The following GRIA1 variants were observed in gnomAD, a reference collection of about 807,000 sequenced individuals.
GRIA1 encodes the protein glutamate receptor 1.
In GRIA1, 31 loss-of-function variants were observed where a neutral mutation model predicts 99.2. The observed-to-expected ratio is 0.31, with a 90% CI of 0.23 to 0.42. The LOEUF is 0.42. Ranked by LOEUF, GRIA1 falls within the 10% of genes least tolerant of loss-of-function variation. The pLI, the probability that GRIA1 is intolerant of heterozygous loss-of-function variation, is 1.00. For synonymous variants in GRIA1, 438 were observed against 432.4 expected (o/e 1.01, Z -0.16); for missense variants, 782 against 1,157.5 (o/e 0.68, Z 4.71).
At chr5:153,644,513 A>G (rs1293939220) in intron 2 of GRIA1, among the ~76,000 whole-genome samples, 2 of 152,188 alleles carry the variant, frequency 1.3e-5, no homozygotes, top group Non-Finnish European at 1.5e-5. Context: ...TTTATTAAGC[A>G]TCTACCATGT....
At chr5:153,509,824 G>A (rs564160071) in intron 2 of GRIA1, among the ~76,000 whole-genome samples, 8 of 152,296 alleles carry the variant, frequency 5.3e-5, no homozygotes, top group African/African-American at 1.7e-4. Flanking sequence ...CCCGATAAAT[G>A]AGAGCTATTA....
intron 2 of GRIA1, among the ~76,000 whole-genome samples, chr5:153,518,033 C>T (rs1393702038): frequency 2.0e-5 from 3 of 152,226 alleles, no homozygotes; most frequent in South Asian, 4.1e-4. Context: ...GGCCTTTGCA[C>T]TGGCTGTTCC....
chr5:153,575,341 T>C (rs1762442414), intron 2 of GRIA1, among the ~76,000 whole-genome samples: 3 of 152,192 alleles, frequency 2.0e-5, no homozygotes, highest in Non-Finnish European at 4.4e-5. Flanking sequence ...GGTCCTCAAC[T>C]GAAATCAAAT....
In GRIA1 at chr5:153,541,178, A is replaced by T. The variant is rs1430132527; in HGVS notation, c.220+47113A>T. Among the ~76,000 whole-genome samples, 4 of 152,274 alleles carry T rather than the reference A, an allele frequency of 2.6e-5. 1 individual carries two copies. The highest frequency in any genetic ancestry group is 9.6e-5 in the African/African-American group (4 of 41,550). On this transcript the variant is annotated intron_variant, in intron 2 of 15. Transcript: ENST00000285900. ...GCAAATTCTTCCTCCATTCTTTCGT[A>T]CCCAGCTCAAACATTACCTCCTTCA...
chr5:153,701,416 C>A (rs1030293536), intron 10 of GRIA1, among the ~76,000 whole-genome samples: 3 of 151,942 alleles, frequency 2.0e-5, no homozygotes, highest in Non-Finnish European at 4.4e-5. Context: ...AGATCTAGAC[C>A]ATCCTGGCTA....
chr5:153,769,368 G>A (rs1004320254), intron 12 of GRIA1, among the ~76,000 whole-genome samples: 1 of 152,090 alleles, frequency 6.6e-6, no homozygotes, highest in African/African-American at 2.4e-5. Flanking sequence ...GTGCCTACTA[G>A]AGTCTAAAAA....
chr5:153,573,368 A>G (rs1056627965), intron 2 of GRIA1: 2 of 152,210 alleles, frequency 1.3e-5, no homozygotes, highest in Admixed American at 1.3e-4. Flanking sequence ...TGGGAATAAA[A>G]ATACAACTCA....
intron 2 of GRIA1, among the ~76,000 whole-genome samples, chr5:153,517,291 T>G (rs73284018): frequency 0.021 from 3,217 of 152,262 alleles, 105 homozygotes; most frequent in African/African-American, 0.073. Context: ...CTGCATGGCT[T>G]TATTTTTTCA....
intron 2 of GRIA1, among the ~76,000 whole-genome samples, chr5:153,599,551 T>C (rs142213328): frequency 6.6e-6 from 1 of 152,346 alleles, no homozygotes; most frequent in African/African-American, 2.4e-5. Flanking sequence ...TCTATATTAC[T>C]TATAATACCT....
At chr5:153,756,597 C>A (rs1762843345) in intron 11 of GRIA1, among the ~76,000 whole-genome samples, 1 of 152,208 alleles carries the variant, frequency 6.6e-6, no homozygotes, top group Non-Finnish European at 1.5e-5. Context: ...AGACAGGCGT[C>A]TGAACTCAGG....
At chr5:153,633,667 A>T (rs1179586672) in intron 2 of GRIA1, among the ~76,000 whole-genome samples, 2 of 152,214 alleles carry the variant, frequency 1.3e-5, no homozygotes, top group East Asian at 3.9e-4. Context: ...TAGAGAGGTG[A>T]AAGAGTGTTA....
At chr5:153,512,275 C>A (rs1376209372) in intron 2 of GRIA1, among the ~76,000 whole-genome samples, 1 of 152,010 alleles carries the variant, frequency 6.6e-6, no homozygotes, top group Non-Finnish European at 1.5e-5. Context: ...CCCCACTTTA[C>A]CTTGAGTGAT....
chr5:153,627,656 G>A (rs1767764321), intron 2 of GRIA1, among the ~76,000 whole-genome samples: 1 of 152,222 alleles, frequency 6.6e-6, no homozygotes, highest in South Asian at 2.1e-4. Flanking sequence ...AGAGAGGACA[G>A]CAGCGAGGAG....
chr5:153,773,931 T>C (rs909479615), intron 13 of GRIA1, among the ~76,000 whole-genome samples: 2 of 152,092 alleles, frequency 1.3e-5, no homozygotes, highest in Admixed American at 6.6e-5. Context: ...CCTCTACCCT[T>C]AATGGGATTC....
At chr5:153,684,031 A>G (rs1290489034) in intron 7 of GRIA1, among the ~76,000 whole-genome samples, 2 of 152,176 alleles carry the variant, frequency 1.3e-5, no homozygotes, top group Non-Finnish European at 1.5e-5. Flanking sequence ...TTCGGCGAAC[A>G]CTTGGTACCT....
intron 1 of GRIA1, among the ~76,000 whole-genome samples, chr5:153,493,323 A>G (rs1754097048): frequency 6.6e-6 from 1 of 152,214 alleles, no homozygotes; most frequent in Admixed American, 6.5e-5. Flanking sequence ...CAGAAAAGCA[A>G]GAGTTTTTAG....
chr5:153,505,238 G>A (rs1161420913), intron 2 of GRIA1, among the ~76,000 whole-genome samples: 2 of 152,190 alleles, frequency 1.3e-5, no homozygotes, highest in Admixed American at 6.5e-5. Flanking sequence ...TAGCTACAAA[G>A]GTCAACTGAT....
At chr5:153,588,253 A>T (rs886969699) in intron 2 of GRIA1, among the ~76,000 whole-genome samples, 2 of 152,164 alleles carry the variant, frequency 1.3e-5, no homozygotes, top group Non-Finnish European at 2.9e-5. Context: ...TATAATACCT[A>T]GTCTCCCCTT....
chr5:153,530,370 T>C (rs1328080315), intron 2 of GRIA1, among the ~76,000 whole-genome samples: 1 of 152,234 alleles, frequency 6.6e-6, no homozygotes, highest in Non-Finnish European at 1.5e-5. Context: ...CATGCGACAG[T>C]TTGCTCTCCA....
Sources: allele counts gnomAD v4.1 joint callset (sites outside exome capture counted in the v4.1 genomes callset), GRCh38; gene constraint gnomAD v4.1.1; transcripts MANE v1.5; gene names NCBI Gene and HGNC (gene_info 2026-07-23, HGNC 2026-07-21).